WWOX: variants seen among roughly 807,000 people sequenced by gnomAD.
WWOX encodes the protein WW domain containing oxidoreductase.
Under a neutral mutation model 46.2 loss-of-function variants are expected in WWOX, and 69 were observed. That is an observed-to-expected ratio of 1.49 (90% CI 1.23 to 1.82). The LOEUF (loss-of-function observed/expected upper bound fraction) is 1.82. Among genes scored for constraint, WWOX ranks in the 40% most tolerant of loss-of-function variants. The pLI, the probability that WWOX is intolerant of heterozygous loss-of-function variation, is 0.00. For synonymous variants in WWOX, 359 were observed against 202.6 expected, an observed-to-expected ratio of 1.77 and a Z score of -6.56; for missense variants, 919 against 542.6, an observed-to-expected ratio of 1.69 and a Z score of -6.89.
chr16:78,933,454 A>C (rs774693308), intron 8 of WWOX, among the ~76,000 whole-genome samples: 1 of 139,224 alleles, frequency 7.2e-6, no homozygotes, highest in African/African-American at 3.4e-5. Flanking sequence ...ACAAACAAAC[A>C]AAAAAAGTCA....
At chr16:78,191,876 G>A (rs1369210090) in intron 5 of WWOX, among the ~76,000 whole-genome samples, 1 of 152,202 alleles carries the variant, frequency 6.6e-6, no homozygotes, top group Non-Finnish European at 1.5e-5. Context: ...TGGATGGAAT[G>A]CCTGTACTTG....
intron 8 of WWOX, among the ~76,000 whole-genome samples, chr16:78,481,760 T>TGC (rs1440800511): frequency 5.4e-5 from 8 of 148,390 alleles, no homozygotes; most frequent in African/African-American, 1.6e-4. Flanking sequence ...TGTGTGTGTG[T>TGC]GTGTGCGCGC....
chr16:78,373,580 C>T (rs558999618), intron 5 of WWOX, among the ~76,000 whole-genome samples: 4 of 151,944 alleles, frequency 2.6e-5, no homozygotes, highest in African/African-American at 9.7e-5. Context: ...GAGAAGTATT[C>T]TGAGGGACAG....
intron 8 of WWOX, among the ~76,000 whole-genome samples, chr16:79,031,735 T>G (rs961936209): frequency 6.8e-6 from 1 of 146,254 alleles, no homozygotes; most frequent in African/African-American, 2.5e-5. Context: ...TAATAGGCTC[T>G]CTCTCTGTCT....
chr16:78,422,537 G>C (rs1233377827), intron 6 of WWOX, among the ~76,000 whole-genome samples: 1 of 149,912 alleles, frequency 6.7e-6, no homozygotes, highest in Admixed American at 6.8e-5. Context: ...TGTTGAGATG[G>C]GGTCTTGCTG....
At chr16:78,885,755 C>A (rs944047209) in intron 8 of WWOX, among the ~76,000 whole-genome samples, 4 of 151,572 alleles carry the variant, frequency 2.6e-5, no homozygotes, top group Non-Finnish European at 4.4e-5. Flanking sequence ...TTTTTTTTAA[C>A]TGATAGTTTG....
At chr16:78,980,242 G>A (rs1455615932) in intron 8 of WWOX, among the ~76,000 whole-genome samples, 1 of 152,184 alleles carries the variant, frequency 6.6e-6, no homozygotes, top group East Asian at 1.9e-4. Flanking sequence ...AATCTTTGCT[G>A]TGAAGTTGGC....
intron 8 of WWOX, among the ~76,000 whole-genome samples, chr16:79,125,572 C>G (rs1384873538): frequency 6.6e-6 from 1 of 151,826 alleles, no homozygotes; most frequent in Non-Finnish European, 1.5e-5. Context: ...TGAATCCATC[C>G]GTGTGGCAAA....
rs2049871291 is a variant in WWOX, at chr16:79,131,209, G to T, written c.1057-80399G>T. Among the ~76,000 whole-genome samples, 3 of 152,214 alleles carry T rather than the reference G, an allele frequency of 2.0e-5. No individual in the cohort carries two copies. In the South Asian group the frequency reaches 6.2e-4, roughly 32 times the overall value. Reference sequence around the variant, plus strand: ...AGCAAGGTGATTCAGCAAGAAGACTGCTGGTCTCTCCCTTCCTCCAGGGCC... The same window carrying T: ...AGCAAGGTGATTCAGCAAGAAGACTTCTGGTCTCTCCCTTCCTCCAGGGCC... On this transcript the variant is annotated intron_variant, in intron 8 of 8. Coordinates refer to ENST00000566780, the MANE Select transcript of WWOX (RefSeq NM_016373.4).
chr16:78,850,345 C>T (rs866906212), intron 8 of WWOX, among the ~76,000 whole-genome samples: 68 of 152,246 alleles, frequency 4.5e-4, no homozygotes, highest in African/African-American at 1.6e-3. Context: ...ATTGATACTA[C>T]ATCCCGAGTG....
chr16:78,848,719 G>C (rs1488823563), intron 8 of WWOX, among the ~76,000 whole-genome samples: 2 of 152,154 alleles, frequency 1.3e-5, no homozygotes, highest in Admixed American at 6.5e-5. Context: ...CCTACCAACA[G>C]GGTAATGATG....
intron 8 of WWOX, among the ~76,000 whole-genome samples, chr16:78,516,295 G>A (rs987167847): frequency 2.6e-5 from 4 of 152,076 alleles, no homozygotes; most frequent in Admixed American, 6.5e-5. Flanking sequence ...ACACTGTCCT[G>A]TTATGCCTGC....
At chr16:79,107,691 A>G (rs1196134039) in intron 8 of WWOX, among the ~76,000 whole-genome samples, 1 of 152,194 alleles carries the variant, frequency 6.6e-6, no homozygotes, top group East Asian at 1.9e-4. Context: ...TTAAAAATGA[A>G]ATTTTTCTTG....
chr16:78,664,005 A>G (rs1054108165), intron 8 of WWOX, among the ~76,000 whole-genome samples: 9 of 152,172 alleles, frequency 5.9e-5, no homozygotes, highest in East Asian at 1.9e-4. Flanking sequence ...GGTGATCACT[A>G]TTGGGAGGTG....
At chr16:78,513,665 T>TA (rs965322702) in intron 8 of WWOX, among the ~76,000 whole-genome samples, 2 of 152,210 alleles carry the variant, frequency 1.3e-5, no homozygotes, top group Non-Finnish European at 2.9e-5. Context: ...AGAGGTGGTG[T>TA]AAAAGGATTC....
intron 8 of WWOX, among the ~76,000 whole-genome samples, chr16:78,803,656 C>T (rs1272124031): frequency 6.6e-6 from 1 of 151,848 alleles, no homozygotes; most frequent in Non-Finnish European, 1.5e-5. Context: ...ATGTGGTCTC[C>T]CTATGTTGCC....
chr16:78,497,384 A>G (rs2084943443), intron 8 of WWOX, among the ~76,000 whole-genome samples: 1 of 152,244 alleles, frequency 6.6e-6, no homozygotes, highest in African/African-American at 2.4e-5. Flanking sequence ...AACAAGGAGG[A>G]AAGCTCCATG....
At chr16:79,115,321 C>T (rs73576955) in intron 8 of WWOX, among the ~76,000 whole-genome samples, 6,272 of 152,278 alleles carry the variant, frequency 0.041, 464 homozygotes, top group African/African-American at 0.14. Flanking sequence ...TACTTCATCT[C>T]ATTCCAACAA....
At chr16:79,129,807 C>G (rs1286230183) in intron 8 of WWOX, among the ~76,000 whole-genome samples, 1 of 152,174 alleles carries the variant, frequency 6.6e-6, no homozygotes, top group Non-Finnish European at 1.5e-5. Context: ...CCTCAAAGAG[C>G]TCATGGACCA....
Sources: allele counts gnomAD v4.1 joint callset (sites outside exome capture counted in the v4.1 genomes callset), GRCh38; gene constraint gnomAD v4.1.1; transcripts MANE v1.5; gene names NCBI Gene and HGNC (gene_info 2026-07-23, HGNC 2026-07-21).